PUDP: variants seen among roughly 807,000 people sequenced by gnomAD.
The protein encoded by PUDP is pseudouridine-5'-phosphatase.
Under a neutral mutation model 9.4 loss-of-function variants are expected in PUDP, and 8 were observed. The ratio of observed to expected loss-of-function variants is 0.85; its 90% confidence interval spans 0.50 to 1.53. The LOEUF is 1.53. Ranked by LOEUF, PUDP falls within the 40% of genes most tolerant of loss-of-function variation. The probability of loss-of-function intolerance (pLI) is 0.00; values close to 1 mark genes in which losing one functional copy is unlikely to be tolerated. For synonymous variants in PUDP, 99 were observed against 80.7 expected, an observed-to-expected ratio of 1.23 and a Z score of -1.22; for missense variants, 188 against 189.7, an observed-to-expected ratio of 0.99 and a Z score of 0.05.
At chrX:7,031,948 A>T (rs1185188655) in intron 1 of PUDP, among the ~76,000 whole-genome samples, 1 of 112,451 alleles carries the variant, frequency 8.9e-6, no homozygotes, top group Non-Finnish European at 1.9e-5. Context: ...TCTGCTCTTC[A>T]AGATAGATGA....
At chrX:6,724,854 T>C (rs151255948), upstream of PUDP, among the ~76,000 whole-genome samples, 29 of 111,645 alleles carry the variant, frequency 2.6e-4, no homozygotes, top group African/African-American at 8.4e-4. Flanking sequence ...TTGAAGGAGT[T>C]AGAAGACCTT....
intron 3 of PUDP, among the ~76,000 whole-genome samples, chrX:6,871,624 G>T (rs1927176157): frequency 2.7e-5 from 3 of 111,325 alleles, no homozygotes; most frequent in African/African-American, 9.8e-5. Context: ...AACACCCAAA[G>T]GCCAAAGGGA....
chrX:7,014,066 G>A (rs1464848539), intron 1 of PUDP, among the ~76,000 whole-genome samples: 2 of 110,479 alleles, frequency 1.8e-5, no homozygotes, highest in Non-Finnish European at 3.8e-5. Context: ...TTCCCCTGGA[G>A]TTTGGTCATC....
intron 3 of PUDP, among the ~76,000 whole-genome samples, chrX:6,838,522 G>T: frequency 8.9e-6 from 1 of 112,179 alleles, no homozygotes; most frequent in East Asian, 2.8e-4. Context: ...AATTTTCTAC[G>T]TGCTTCTAAA....
Position 7,077,235 on chromosome X carries a change from A to AG in PUDP, c.494dup (p.Pro166SerfsTer10). Reference sequence around the variant, plus strand: ...ACCCACTTACCTTCTCCATAGCAGGAGGGGGAGAGAACCTCTTGGCACAAG... The same window carrying AG: ...ACCCACTTACCTTCTCCATAGCAGGAGGGGGGAGAGAACCTCTTGGCACAAG... On this transcript the variant is annotated frameshift_variant, in exon 3 of 4. Coordinates refer to ENST00000381077, the MANE Select transcript of PUDP (RefSeq NM_012080.5). LOFTEE classifies it low-confidence loss of function (END_TRUNC). 1 of 1,194,659 alleles carries AG rather than the reference A, an allele frequency of 8.4e-7. No individual in the cohort carries two copies. Among genetic ancestry groups the AG allele is most frequent in the South Asian group, 1.8e-5 (1 of 54,678 alleles).
At chrX:7,022,922 T>C (rs936483013) in intron 1 of PUDP, among the ~76,000 whole-genome samples, 4 of 111,719 alleles carry the variant, frequency 3.6e-5, no homozygotes, top group African/African-American at 1.3e-4. Context: ...GTGAACACCA[T>C]GTTTGACACA....
chrX:6,951,113 C>T (rs769583358), intron 3 of PUDP, among the ~76,000 whole-genome samples: 27 of 111,631 alleles, frequency 2.4e-4, no homozygotes, highest in African/African-American at 8.5e-4. Context: ...TCCACAACTG[C>T]ATGAACCCAT....
chrX:6,939,342 A>G (rs180672057), intron 3 of PUDP, among the ~76,000 whole-genome samples: 3 of 106,689 alleles, frequency 2.8e-5, no homozygotes, highest in Admixed American at 1.0e-4. Flanking sequence ...CTATATTAAT[A>G]TTGTAAATAT....
At chrX:6,719,826 G>A (rs1924640501) in intron 1 of PUDP, among the ~76,000 whole-genome samples, 1 of 111,940 alleles carries the variant, frequency 8.9e-6, no homozygotes, top group East Asian at 2.8e-4. Context: ...TTTTGAAGTG[G>A]ATGTTTCACA....
chrX:6,777,295 T>C (rs1260224870), intron 3 of PUDP, among the ~76,000 whole-genome samples: 3 of 112,140 alleles, frequency 2.7e-5, no homozygotes, highest in South Asian at 3.7e-4. Flanking sequence ...ATAATAATGA[T>C]AGAACTTGTG....
At chrX:6,787,477 C>G (rs1441391175) in intron 3 of PUDP, among the ~76,000 whole-genome samples, 1 of 112,221 alleles carries the variant, frequency 8.9e-6, no homozygotes, top group African/African-American at 3.2e-5. Context: ...TCACATTTCT[C>G]TGTCTCTTGT....
intron 3 of PUDP, among the ~76,000 whole-genome samples, chrX:6,827,680 G>A (rs1306197578): frequency 8.9e-6 from 1 of 111,792 alleles, no homozygotes; most frequent in Non-Finnish European, 1.9e-5. Flanking sequence ...AGCAAGGGAT[G>A]GGAGCAAAGA....
intron 3 of PUDP, among the ~76,000 whole-genome samples, chrX:6,976,132 G>C (rs999650940): frequency 3.6e-5 from 4 of 112,181 alleles, no homozygotes; most frequent in Non-Finnish European, 7.5e-5. Flanking sequence ...TTAACTAGCT[G>C]GGCTCCATGG....
At chrX:7,010,727 G>T (rs1279055261) in intron 1 of PUDP, among the ~76,000 whole-genome samples, 5 of 111,672 alleles carry the variant, frequency 4.5e-5, no homozygotes, top group Non-Finnish European at 9.4e-5. Flanking sequence ...GTGAGATCTG[G>T]ACATCAGGAT....
chrX:6,916,040 T>C (rs376069678), intron 3 of PUDP, among the ~76,000 whole-genome samples: 3 of 111,077 alleles, frequency 2.7e-5, no homozygotes, highest in South Asian at 7.7e-4. Flanking sequence ...ACCAAAGCAC[T>C]GTTTTGCTCT....
chrX:6,949,937 G>A (rs922634959), intron 3 of PUDP, among the ~76,000 whole-genome samples: 3 of 111,590 alleles, frequency 2.7e-5, no homozygotes, highest in African/African-American at 9.8e-5. Context: ...GTGATTCCTT[G>A]TAGGCTATTG....
intron 1 of PUDP, among the ~76,000 whole-genome samples, chrX:7,036,979 G>A (rs767076911): frequency 1.8e-5 from 2 of 111,901 alleles, no homozygotes; most frequent in African/African-American, 3.2e-5. Flanking sequence ...TTTTGGCTGC[G>A]TTGTGGTATA....
intron 1 of PUDP, among the ~76,000 whole-genome samples, chrX:7,111,499 T>TG (rs1932048300): frequency 6.0e-4 from 1 of 1,654 alleles, no homozygotes; most frequent in Non-Finnish European, 1.1e-3. Context: ...AAGCTGGGGG[T>TG]GGGGTGGGGC....
At chrX:7,089,053 G>A (rs1384761002) in intron 2 of PUDP, among the ~76,000 whole-genome samples, 1 of 111,988 alleles carries the variant, frequency 8.9e-6, no homozygotes, top group Non-Finnish European at 1.9e-5. Flanking sequence ...TTACAGGAGT[G>A]TCTGGAAAGG....
Sources: gnomAD v4.1 joint callset for allele counts (sites outside exome capture counted in the v4.1 genomes callset) on GRCh38, gnomAD v4.1.1 for gene constraint, MANE v1.5 for transcripts, NCBI Gene and HGNC (gene_info 2026-07-23, HGNC 2026-07-21) for gene names.